PCBP3: variants seen among roughly 807,000 people sequenced by gnomAD.
PCBP3 encodes the protein poly(rC) binding protein 3, also known as poly(rC)-binding protein 3.
A neutral mutation model predicts 52.7 loss-of-function variants in PCBP3; 25 were observed. The ratio of observed to expected loss-of-function variants is 0.47; its 90% confidence interval spans 0.35 to 0.66. The LOEUF (loss-of-function observed/expected upper bound fraction) is 0.66, where lower values mean the gene tolerates loss of function less well. Ranked by LOEUF, PCBP3 falls within the 30% of genes least tolerant of loss-of-function variation. PCBP3 has a pLI of 0.01. For synonymous variants in PCBP3, 162 were observed against 183.0 expected, an observed-to-expected ratio of 0.89 and a Z score of 0.93; for missense variants, 391 against 490.3, an observed-to-expected ratio of 0.80 and a Z score of 1.91.
At chr21:45,758,225 T>G (rs2088264933) in intron 4 of PCBP3, among the ~76,000 whole-genome samples, 2 of 152,178 alleles carry the variant, frequency 1.3e-5, no homozygotes, top group African/African-American at 4.8e-5. Flanking sequence ...TCCTGGAGAT[T>G]TATAGGTTTT....
intron 16 of PCBP3, 124 bp from the exon 17 acceptor site, chr21:45,939,906 C>G: frequency 1.2e-6 from 1 of 835,572 alleles, no homozygotes; most frequent in Non-Finnish European, 1.9e-6. Context: ...GTGTTGAGCT[C>G]AGGTCTTGGG....
chr21:45,643,857 G>A lies in PCBP3; in HGVS notation c.-290G>A, dbSNP rs2079074435. 3 of 148,914 alleles carry A rather than the reference G, an allele frequency of 2.0e-5. No homozygotes were observed. In the South Asian group the frequency reaches 6.2e-4, roughly 31 times the overall value. The allele number at this position is 148,914 out of a possible 1,614,324, so 9.2% of individuals were successfully genotyped here. On this transcript the variant is annotated 5_prime_UTR_variant, in exon 1 of 18. Coordinates refer to ENST00000681687, the MANE Select transcript of PCBP3 (RefSeq NM_001384156.1). ...CCGCCGGCCCGCGGGCTCGCCGTCC[G>A]GCGCAGGGCAGGTGAGTGAGCGGTG...
At chr21:45,818,012 A>AT (rs966548591) in intron 4 of PCBP3, among the ~76,000 whole-genome samples, 1 of 152,076 alleles carries the variant, frequency 6.6e-6, no homozygotes, top group Non-Finnish European at 1.5e-5. Flanking sequence ...CAATGAACCA[A>AT]TATTGGTACA....
intron 2 of PCBP3, among the ~76,000 whole-genome samples, chr21:45,721,924 A>G (rs2084675277): frequency 6.6e-6 from 1 of 152,194 alleles, no homozygotes; most frequent in African/African-American, 2.4e-5. Flanking sequence ...TAGGGAAGCA[A>G]GCTTCTGGGG....
chr21:45,669,401 A>C (rs917256520), intron 2 of PCBP3, among the ~76,000 whole-genome samples: 1 of 152,122 alleles, frequency 6.6e-6, no homozygotes, highest in African/African-American at 2.4e-5. Context: ...GTTTTTAACT[A>C]TAGCAACTAT....
At chr21:45,696,664 G>A (rs981603680) in intron 2 of PCBP3, among the ~76,000 whole-genome samples, 8 of 151,994 alleles carry the variant, frequency 5.3e-5, no homozygotes, top group Non-Finnish European at 7.4e-5. Flanking sequence ...GGTGGCGCAC[G>A]CCTGTAGTCC....
chr21:45,719,149 G>A (rs2084436392), intron 2 of PCBP3, among the ~76,000 whole-genome samples: 1 of 152,144 alleles, frequency 6.6e-6, no homozygotes, highest in Admixed American at 6.5e-5. Context: ...GATTAGCTCA[G>A]CTGTATCTGG....
intron 2 of PCBP3, among the ~76,000 whole-genome samples, chr21:45,701,702 G>A (rs1414044147): frequency 2.6e-5 from 4 of 151,958 alleles, no homozygotes; most frequent in African/African-American, 7.3e-5. Flanking sequence ...CTGGGATTAC[G>A]GGTGTGCGCC....
intron 3 of PCBP3, among the ~76,000 whole-genome samples, chr21:45,745,251 G>A (rs528369101): frequency 7.9e-5 from 12 of 152,192 alleles, no homozygotes; most frequent in Non-Finnish European, 1.5e-4. Context: ...CTGAGGGGAC[G>A]GTGTGGGGCA....
Position 45,805,451 on chromosome 21 carries a change from C to G in PCBP3, c.-125-44510C>G, listed in dbSNP as rs1476200573. On this transcript the variant is annotated intron_variant, in intron 4 of 17. Coordinates refer to ENST00000681687, the MANE Select transcript of PCBP3 (RefSeq NM_001384156.1). The surrounding 1 kb of genome is among the most constrained non-coding windows in gnomAD (Gnocchi z 4.6). The stretch of plus-strand genomic sequence containing the variant: ...CCATGGGCAGCCCTTCCTTCTGGAG[C>G]CCCCTGTCTTCCCTTATCCACTGCC... Among the ~76,000 whole-genome samples, 1 of 152,120 alleles carries G rather than the reference C, an allele frequency of 6.6e-6. No individual in the cohort carries two copies. The highest frequency in any genetic ancestry group is 2.4e-5 in the African/African-American group (1 of 41,446).
intron 2 of PCBP3, among the ~76,000 whole-genome samples, chr21:45,701,024 A>G (rs1388949604): frequency 6.6e-6 from 1 of 152,230 alleles, no homozygotes; most frequent in Admixed American, 6.5e-5. Flanking sequence ...GGATAACAGA[A>G]CAATTTGGTT....
chr21:45,711,748 G>A lies in PCBP3; in HGVS notation c.-199-23644G>A, dbSNP rs762040820. ...CAGTTAGATTGTTTTGTCACTTTCC[G>A]CATCCTGTCTTGAGATTGGACATCC... On this transcript the variant is annotated intron_variant, in intron 2 of 17. Coordinates refer to ENST00000681687, the MANE Select transcript of PCBP3 (RefSeq NM_001384156.1). Among the ~76,000 whole-genome samples the A allele has an allele frequency of 5.3e-5, 8 of 152,134 alleles. No homozygotes were observed. The East Asian group carries it at 5.8e-4, about 11-fold the overall frequency.
intron 11 of PCBP3, among the ~76,000 whole-genome samples, chr21:45,913,694 G>A (rs991200662): frequency 3.3e-5 from 5 of 152,218 alleles, no homozygotes; most frequent in African/African-American, 1.2e-4. Flanking sequence ...CAGGAGGCCG[G>A]TGTGTGGCAA....
At position 45,827,332 on chromosome 21, in the gene PCBP3, G is replaced by A. The variant is rs2093335085; in HGVS notation, c.-125-22629G>A. 3.3e-5 allele frequency among the ~76,000 whole-genome samples: 5 copies of A among 152,142 alleles called. No homozygotes were observed. The highest frequency in any genetic ancestry group is 3.3e-4 in the Admixed American group (5 of 15,278). On this transcript the variant is annotated intron_variant, in intron 4 of 17. Transcript: ENST00000681687. This position sits in a 1 kb window ranked among gnomAD's most constrained non-coding sequence, Gnocchi z 4.3. ...TGAAAATGAGATAAAAGAAGATCTG[G>A]ACATGATCATCACGTCACATCACAT... is the stretch of plus-strand genomic sequence containing the variant.
intron 4 of PCBP3, among the ~76,000 whole-genome samples, chr21:45,774,575 A>G (rs1424228854): frequency 6.6e-6 from 1 of 151,970 alleles, no homozygotes; most frequent in African/African-American, 2.4e-5. Context: ...GAGTGGTGAA[A>G]GTACGTATCT....
Position 45,924,838 on chromosome 21 carries a change from GTGTGGGT to G in PCBP3, c.718-5078_718-5072del, listed in dbSNP as rs1170631298. Among the ~76,000 whole-genome samples the G allele has an allele frequency of 3.7e-3, 159 of 42,554 alleles. 1 individual carries two copies. The highest frequency in any genetic ancestry group is 0.019 in the Middle Eastern group (1 of 52). 27.9% of individuals were successfully genotyped at this position (42,554 alleles called of 152,430 possible). A position where few individuals can be genotyped will look rare whatever the true frequency, so the allele number is the denominator to read the frequency against. On this transcript the variant is annotated intron_variant, in intron 13 of 17. Transcript: ENST00000681687. Reference sequence around the variant, plus strand: ...GGAGATGCGAACACCGGGAACAGTCGTGTGGGTAGAAACAGCACACGTAAGATCGGGT... The same window carrying G: ...GGAGATGCGAACACCGGGAACAGTCGAGAAACAGCACACGTAAGATCGGGT...
At chr21:45,715,345 G>A (rs2084141338) in intron 2 of PCBP3, among the ~76,000 whole-genome samples, 1 of 152,070 alleles carries the variant, frequency 6.6e-6, no homozygotes, top group Non-Finnish European at 1.5e-5. Flanking sequence ...TGTCTATTAT[G>A]TTTATTTTTT....
rs149369336 is a variant in PCBP3, at chr21:45,810,063, G to A, written c.-125-39898G>A. 4.8e-3 allele frequency among the ~76,000 whole-genome samples: 725 copies of A among 152,302 alleles called. 2 individuals are homozygous for A. The highest frequency in any genetic ancestry group is 7.4e-3 in the Non-Finnish European group (503 of 68,012). On this transcript the variant is annotated intron_variant, in intron 4 of 17. Transcript: ENST00000681687. Reference sequence around the variant, plus strand: ...GATTTATTGTGAAGTTTTATGCACAGTATTGAATTTTGTCAAATGCATTTT... The same window carrying A: ...GATTTATTGTGAAGTTTTATGCACAATATTGAATTTTGTCAAATGCATTTT...
intron 2 of PCBP3, among the ~76,000 whole-genome samples, chr21:45,719,638 C>T (rs2084480060): frequency 6.6e-6 from 1 of 152,158 alleles, no homozygotes; most frequent in South Asian, 2.1e-4. Flanking sequence ...CTCCATCCTG[C>T]CACTCTGTTA....
Sources: allele counts gnomAD v4.1 joint callset (sites outside exome capture counted in the v4.1 genomes callset), GRCh38; gene constraint gnomAD v4.1.1; non-coding constraint Gnocchi (gnomAD v3.1); transcripts MANE v1.5; gene names NCBI Gene and HGNC (gene_info 2026-07-23, HGNC 2026-07-21).